The following DYM variants were observed in gnomAD, a reference collection of about 807,000 sequenced individuals.
DYM encodes dymeclin.
A neutral mutation model predicts 93.1 loss-of-function variants in DYM; 78 were observed. The ratio of observed to expected loss-of-function variants is 0.84; its 90% CI spans 0.70 to 1.01. The LOEUF is 1.01. Among genes scored for constraint, DYM ranks in the 50% least tolerant of loss-of-function variants. The pLI is 0.00. For synonymous variants in DYM, 321 were observed against 319.7 expected (o/e 1.00, Z -0.04); for missense variants, 789 against 845.0 (o/e 0.93, Z 0.82).
intron 14 of DYM, among the ~76,000 whole-genome samples, chr18:49,190,400 T>C (rs141471196): frequency 5.8e-4 from 89 of 152,298 alleles, no homozygotes; most frequent in African/African-American, 2.1e-3. Context: ...GGATATCACA[T>C]GAAACTTAAT....
chr18:49,410,142 T>C lies in DYM; in HGVS notation c.141-18497A>G, dbSNP rs1468372466. Among the ~76,000 whole-genome samples the C allele has an allele frequency of 7.9e-5, 12 of 152,274 alleles. No homozygotes were observed. The East Asian group carries it at 1.9e-3, about 25-fold the overall frequency. On this transcript the variant is annotated intron_variant, in intron 2 of 17. Coordinates refer to ENST00000675505, the MANE Select transcript of DYM (RefSeq NM_001353214.3). ...TTACAGTGTCATGATCCCAGCTCAC[T>C]GCCGCTTAGAACTCCTGGGCTCAAG...
rs555068696 is a variant in DYM at position 49,213,389 on chromosome 18, C to T, written c.1461-3674G>A. 1.2e-4 allele frequency among the ~76,000 whole-genome samples: 18 copies of T among 151,852 alleles called. No homozygotes were observed. The South Asian group carries it at 3.5e-3, about 30-fold the overall frequency. On this transcript the variant is annotated intron_variant, in intron 13 of 17. Coordinates refer to ENST00000675505, the MANE Select transcript of DYM (RefSeq NM_001353214.3). ...TCGGCTCACTGCAACCTCCGCCTCC[C>T]GGGTTCAAGCAATTCTACCGGGTTC...
intron 15 of DYM, among the ~76,000 whole-genome samples, chr18:49,153,696 G>A (rs1298155522): frequency 6.6e-6 from 1 of 152,090 alleles, no homozygotes; most frequent in African/African-American, 2.4e-5. Flanking sequence ...AATTGAATAA[G>A]TAAATACACG....
At chr18:49,409,789 G>A (rs986940947) in intron 2 of DYM, among the ~76,000 whole-genome samples, 5 of 152,128 alleles carry the variant, frequency 3.3e-5, no homozygotes, top group Admixed American at 1.3e-4. Context: ...ATATGCAAGA[G>A]GTATTTACAA....
chr18:49,062,378 G>T (rs1403068746), intron 17 of DYM, among the ~76,000 whole-genome samples: 2 of 152,144 alleles, frequency 1.3e-5, no homozygotes, highest in East Asian at 3.8e-4. Context: ...CCCAGCTCAG[G>T]ACCTGCTGAC....
At chr18:49,342,076 C>A (rs536209625) in intron 6 of DYM, among the ~76,000 whole-genome samples, 21 of 152,304 alleles carry the variant, frequency 1.4e-4, no homozygotes, top group African/African-American at 4.8e-4. Context: ...ATTCTGGAGG[C>A]TCTAAAGAAG....
At chr18:49,322,379 TATAAC>T (rs199966502) in intron 8 of DYM, among the ~76,000 whole-genome samples, 1,559 of 152,272 alleles carry the variant, frequency 0.01, 23 homozygotes, top group African/African-American at 0.036. Flanking sequence ...AGCTTTGTCT[TATAAC>T]TTAAAACACA....
intron 13 of DYM, among the ~76,000 whole-genome samples, chr18:49,232,373 C>T (rs2093722435): frequency 6.6e-6 from 1 of 151,254 alleles, no homozygotes; most frequent in Admixed American, 6.6e-5. Flanking sequence ...GTGGCGCGAT[C>T]TCGGCTCACT....
intron 15 of DYM, among the ~76,000 whole-genome samples, chr18:49,131,187 C>T (rs1277509612): frequency 6.6e-6 from 1 of 152,144 alleles, no homozygotes; most frequent in Admixed American, 6.5e-5. Context: ...AAATATCCAA[C>T]TTTAAGGTGA....
chr18:49,097,160 T>C, intron 17 of DYM: 1 of 565,242 alleles, frequency 1.8e-6, no homozygotes, highest in Non-Finnish European at 3.2e-6. Context: ...AAATAAGGTG[T>C]CCTTTTATTA....
intron 14 of DYM, chr18:49,206,703 A>C (rs2092529454): frequency 6.6e-6 from 1 of 152,386 alleles, no homozygotes. Flanking sequence ...TTAACTCCAG[A>C]GCCCATGCCC....
At chr18:49,205,110 A>C (rs2092402174) in intron 14 of DYM, among the ~76,000 whole-genome samples, 1 of 151,956 alleles carries the variant, frequency 6.6e-6, no homozygotes, top group Non-Finnish European at 1.5e-5. Context: ...ACAGGCATGT[A>C]CCACTACACC....
In DYM at chr18:49,252,216, CAAAAAAAAAAA is replaced by C. The variant is rs774500057; in HGVS notation, c.1460+4783_1460+4793del. Among the ~76,000 whole-genome samples, 18 of 27,236 alleles carry C rather than the reference CAAAAAAAAAAA, an allele frequency of 6.6e-4. 1 individual carries two copies. In the South Asian group the frequency reaches 0.043, roughly 65 times the overall value. 17.9% of individuals were successfully genotyped at this position (27,236 alleles called of 152,430 possible). A position where few individuals can be genotyped will look rare whatever the true frequency, so the allele number is the denominator to read the frequency against. The stretch of plus-strand genomic sequence containing the variant: ...CTGGCCAACAGAGTGAGACTTGCCT[CAAAAAAAAAAA>C]AAAAAAAAAAAAAAAGAACTGCCTG... On this transcript the variant is annotated intron_variant, in intron 13 of 17. Transcript: ENST00000675505.
intron 13 of DYM, among the ~76,000 whole-genome samples, chr18:49,216,573 A>C (rs1232022379): frequency 6.6e-6 from 1 of 152,184 alleles, no homozygotes; most frequent in Admixed American, 6.5e-5. Context: ...AGGAACGATC[A>C]GACAGCAGCA....
intron 1 of DYM, among the ~76,000 whole-genome samples, chr18:49,447,744 A>G (rs1002518352): frequency 2.6e-5 from 4 of 152,294 alleles, no homozygotes; most frequent in East Asian, 1.9e-4. Flanking sequence ...CGCAACCGTC[A>G]TATCTCTTAT....
intron 13 of DYM, among the ~76,000 whole-genome samples, chr18:49,233,469 T>C (rs539763076): frequency 6.6e-5 from 10 of 152,178 alleles, no homozygotes; most frequent in African/African-American, 2.4e-4. Context: ...AGGTATAAAA[T>C]CTTTGTGTTC....
At chr18:49,240,173 A>G (rs1290239617) in intron 13 of DYM, among the ~76,000 whole-genome samples, 1 of 152,222 alleles carries the variant, frequency 6.6e-6, no homozygotes, top group African/African-American at 2.4e-5. Context: ...GTAGATATTT[A>G]AAAGTATATA....
chr18:49,080,426 G>C, intron 17 of DYM, among the ~76,000 whole-genome samples: 1 of 132,002 alleles, frequency 7.6e-6, no homozygotes, highest in Non-Finnish European at 1.6e-5. Context: ...TGGCTGGCCC[G>C]GCAGAGGGGC....
intron 13 of DYM, among the ~76,000 whole-genome samples, chr18:49,222,990 A>G (rs1459662336): frequency 1.3e-5 from 2 of 152,270 alleles, no homozygotes. Flanking sequence ...CAGGATAACT[A>G]GACATTATGT....
Sources: allele counts gnomAD v4.1 joint callset (sites outside exome capture counted in the v4.1 genomes callset), GRCh38; gene constraint gnomAD v4.1.1; transcripts MANE v1.5; gene names NCBI Gene and HGNC (gene_info 2026-07-23, HGNC 2026-07-21).